Variants in PTPRS observed in about 807,000 individuals in gnomAD.
PTPRS encodes the protein receptor-type tyrosine-protein phosphatase S.
PTPRS carries 63 observed loss-of-function variants against 215.3 expected under a neutral mutation model. That is an observed-to-expected ratio of 0.29 (90% CI 0.24 to 0.36). The LOEUF (loss-of-function observed/expected upper bound fraction) is 0.36, where lower values mean the gene tolerates loss of function less well. Ranked by LOEUF, PTPRS falls within the 10% of genes least tolerant of loss-of-function variation. The pLI is 1.00. For missense variants in PTPRS, 2,258 were observed against 2,825.8 expected (o/e 0.80, Z 4.56); for synonymous variants, 1,404 against 1,191.4 (o/e 1.18, Z -3.68).
Position 5,212,019 on chromosome 19 carries a change from C to T in PTPRS, c.5001G>A (p.Lys1667=), listed in dbSNP as rs1358551718. The T allele has an allele frequency of 1.2e-6, 2 of 1,613,760 alleles. No homozygotes were observed. Among genetic ancestry groups the T allele is most frequent in the Admixed American group, 3.3e-5 (2 of 60,024 alleles). ...GTTCGCCAGGCTCCACCTGGGCCAG[C>T]TTCTGGATGTAGGCATAGAGGCTGC... The part of the protein sequence containing the change: ...PARSLYAYIQ[K]LAQVEPGEHV... The change falls in exon 32 of 38, where the codon AAG becomes AAA. Residue 1667 remains lysine, a synonymous_variant. Coordinates refer to ENST00000262963, the MANE Select transcript of PTPRS (RefSeq NM_002850.4).
chr19:5,277,055 G>A (rs1401456085), intron 2 of PTPRS, among the ~76,000 whole-genome samples: 1 of 107,342 alleles, frequency 9.3e-6, no homozygotes, highest in Admixed American at 1.2e-4. Flanking sequence ...GCTGAGTTTT[G>A]TGTTTTTTTT....
chr19:5,272,468 T>G (rs201889331), intron 4 of PTPRS, among the ~76,000 whole-genome samples: 9 of 151,200 alleles, frequency 6.0e-5, no homozygotes, highest in African/African-American at 1.2e-4. Flanking sequence ...CGTGGTGGCA[T>G]GTGCCTGTAA....
At position 5,237,017 on chromosome 19, in the gene PTPRS, G is replaced by A. The variant is rs961268745; in HGVS notation, c.1849+1902C>T. The stretch of plus-strand genomic sequence containing the variant: ...GAAAGAAAGACTCCTTCCAGAAAAC[G>A]CCCAGTCTGGTTACCTACCTTCCAC... On this transcript the variant is annotated intron_variant, in intron 13 of 37. Transcript: ENST00000262963. The surrounding 1 kb of genome is among the most constrained non-coding windows in gnomAD (Gnocchi z 4.2). Among the ~76,000 whole-genome samples, 4 of 152,142 alleles carry A rather than the reference G, an allele frequency of 2.6e-5. No homozygotes were observed. Among genetic ancestry groups the A allele is most frequent in the Admixed American group, 6.5e-5 (1 of 15,274 alleles).
In PTPRS at chr19:5,294,401, C is replaced by A. The variant is rs2049062277; in HGVS notation, c.-94-8167G>T. On this transcript the variant is annotated intron_variant, in intron 1 of 37. Coordinates refer to ENST00000262963, the MANE Select transcript of PTPRS (RefSeq NM_002850.4). The surrounding 1 kb of genome is among the most constrained non-coding windows in gnomAD (Gnocchi z 5.1). ...CCACAGCGCTGCTGGAGGCCTGGGG[C>A]CCCCGGAACTGAGGATATATCATGA... The A allele has an allele frequency of 6.6e-6, 1 of 152,302 alleles. No individual in the cohort carries two copies. The highest frequency in any genetic ancestry group is 1.5e-5 in the Non-Finnish European group (1 of 68,124). The allele number at this position is 152,302 out of a possible 1,614,324, so 9.4% of individuals were successfully genotyped here. A position where few individuals can be genotyped will look rare whatever the true frequency, so the allele number is the denominator to read the frequency against.
In PTPRS at chr19:5,257,033, T is replaced by C. The variant is rs947981099; in HGVS notation, c.707-914A>G. ...GGGATTGAAGGGCGCCCTGGCATCC[T>C]GGCAGAAGCTGTTTCTACCACAAAT... On this transcript the variant is annotated intron_variant, in intron 8 of 37. Transcript: ENST00000262963. This position sits in a 1 kb window ranked among gnomAD's most constrained non-coding sequence, Gnocchi z 4.4. 2.6e-5 allele frequency among the ~76,000 whole-genome samples: 4 copies of C among 151,586 alleles called. No homozygotes were observed. Among genetic ancestry groups the C allele is most frequent in the African/African-American group, 9.7e-5 (4 of 41,196 alleles).
Position 5,274,242 on chromosome 19 carries a change from G to A in PTPRS, c.194C>T (p.Thr65Ile), listed in dbSNP as rs1463639642. ...QATGDPKPRV[T>I]WNKKGKKVNS... Reference sequence around the variant, plus strand: ...GACCTTCTTGCCCTTCTTGTTCCAGGTCACTCGTGGCTTGGGGTCACCCGT... The same window carrying A: ...GACCTTCTTGCCCTTCTTGTTCCAGATCACTCGTGGCTTGGGGTCACCCGT... The change falls in exon 3 of 38, where the codon ACC becomes ATC. Residue 65 changes from threonine to isoleucine, a missense_variant. By Grantham distance (89) the Thr-to-Ile change is moderately conservative. Around this residue, in one of 6 missense-constraint regions of PTPRS, gnomAD observed 508 missense variants for 799.4 expected, o/e 0.64. Transcript: ENST00000262963. 1.2e-6 allele frequency: 2 copies of A among 1,613,872 alleles called. No individual in the cohort carries two copies. Among genetic ancestry groups the A allele is most frequent in the African/African-American group, 1.3e-5 (1 of 74,864 alleles).
At chr19:5,265,490 C>A (rs151037139) in intron 4 of PTPRS, among the ~76,000 whole-genome samples, 1 of 152,100 alleles carries the variant, frequency 6.6e-6, no homozygotes, top group African/African-American at 2.4e-5. Context: ...TACAAGCATG[C>A]GCCACCACGC....
intron 1 of PTPRS, among the ~76,000 whole-genome samples, chr19:5,315,350 GGTT>G (rs2049837234): frequency 3.9e-5 from 4 of 101,298 alleles, no homozygotes; most frequent in African/African-American, 4.1e-5. Flanking sequence ...ATTTGAAAAG[GGTT>G]TTTTTTTTTT....
intron 1 of PTPRS, among the ~76,000 whole-genome samples, chr19:5,313,525 C>A (rs1367512576): frequency 6.6e-6 from 1 of 152,172 alleles, no homozygotes; most frequent in African/African-American, 2.4e-5. Context: ...CAGAGATGGG[C>A]AGGCCTGGCC....
intron 23 of PTPRS, chr19:5,219,058 C>A: frequency 1.6e-6 from 1 of 641,276 alleles, no homozygotes; most frequent in Non-Finnish European, 2.7e-6. Flanking sequence ...CACAGGCAGC[C>A]TCTACCCCAA....
intron 1 of PTPRS, among the ~76,000 whole-genome samples, chr19:5,292,009 A>G (rs917721585): frequency 6.6e-6 from 1 of 151,890 alleles, no homozygotes; most frequent in Non-Finnish European, 1.5e-5. Context: ...CTCAGCCCTC[A>G]TACTTGTCCT....
At chr19:5,236,864 AAC>A (rs1555768235) in intron 13 of PTPRS, among the ~76,000 whole-genome samples, 27 of 138,410 alleles carry the variant, frequency 2.0e-4, no homozygotes, top group African/African-American at 9.4e-4. Context: ...AAAAAAAAAA[AAC>A]AACAATCAAG....
intron 7 of PTPRS, 65 bp from the exon 8 acceptor site, chr19:5,258,192 C>T (rs2045722092): frequency 7.3e-7 from 1 of 1,365,190 alleles, no homozygotes; most frequent in Admixed American, 1.7e-5. Context: ...AGGGAAAGCT[C>T]CCCCACCAGA....
rs1001856878 is a variant in PTPRS, at chr19:5,257,872, C to T, written c.706+145G>A. 7 of 650,076 alleles carry T rather than the reference C, an allele frequency of 1.1e-5. No homozygotes were observed. The highest frequency in any genetic ancestry group is 5.3e-5 in the East Asian group (2 of 37,386). The allele number at this position is 650,076 out of a possible 1,614,324, so 40.3% of individuals were successfully genotyped here. A position where few individuals can be genotyped will look rare whatever the true frequency, so the allele number is the denominator to read the frequency against. ...TAAGGCCCAGAGAGGGACGCCGCCT[C>T]GGCCAAGGTCCCACCGCGACCGGGG... On this transcript the variant is annotated intron_variant, in intron 8 of 37. Coordinates refer to ENST00000262963, the MANE Select transcript of PTPRS (RefSeq NM_002850.4). This position sits in a 1 kb window ranked among gnomAD's most constrained non-coding sequence, Gnocchi z 4.4.
At chr19:5,269,681 G>A (rs1423827922) in intron 4 of PTPRS, among the ~76,000 whole-genome samples, 1 of 152,110 alleles carries the variant, frequency 6.6e-6, no homozygotes, top group Non-Finnish European at 1.5e-5. Context: ...CAGCACTTTG[G>A]GAGGCTGAGG....
intron 4 of PTPRS, among the ~76,000 whole-genome samples, chr19:5,272,819 T>C (rs1369450668): frequency 6.6e-6 from 1 of 151,966 alleles, no homozygotes; most frequent in African/African-American, 2.4e-5. Flanking sequence ...CCTCCCAAAG[T>C]GCTGGGATTG....
chr19:5,221,600 G>A (rs764768373), intron 19 of PTPRS, among the ~76,000 whole-genome samples: 4 of 151,986 alleles, frequency 2.6e-5, no homozygotes, highest in Non-Finnish European at 5.9e-5. Flanking sequence ...AATTCCAGCT[G>A]AGCGCTGACC....
At chr19:5,271,129 G>T (rs955544747) in intron 4 of PTPRS, among the ~76,000 whole-genome samples, 1 of 152,180 alleles carries the variant, frequency 6.6e-6, no homozygotes, top group African/African-American at 2.4e-5. Context: ...CCACATGCAG[G>T]GGTCACCTCC....
chr19:5,331,159 C>T (rs1239790606), intron 1 of PTPRS, among the ~76,000 whole-genome samples: 1 of 143,786 alleles, frequency 7.0e-6, no homozygotes, highest in Non-Finnish European at 1.5e-5. Context: ...AAGAGAAGGC[C>T]TTGCTCTGTT....
Sources: allele counts gnomAD v4.1 joint callset (sites outside exome capture counted in the v4.1 genomes callset), GRCh38; gene constraint gnomAD v4.1.1; regional missense constraint gnomAD v4.1.1; non-coding constraint Gnocchi (gnomAD v3.1); transcripts MANE v1.5; gene names NCBI Gene and HGNC (gene_info 2026-07-23, HGNC 2026-07-21).